XPO1: variants seen among roughly 807,000 people sequenced by gnomAD.
XPO1 encodes exportin-1.
Under a neutral mutation model 133.3 loss-of-function variants are expected in XPO1, and 5 were observed. That is an observed-to-expected ratio of 0.04 (90% CI 0.02 to 0.08). The LOEUF is 0.08. Ranked by LOEUF, XPO1 falls within the 10% of genes least tolerant of loss-of-function variation. The pLI is 1.00. For synonymous variants in XPO1, 419 were observed against 408.2 expected (o/e 1.03, Z -0.32); for missense variants, 506 against 1,267.5 (o/e 0.40, Z 9.12).
chr2:61,514,656 C>T (rs549103348), intron 4 of XPO1, among the ~76,000 whole-genome samples: 4 of 150,144 alleles, frequency 2.7e-5, no homozygotes, highest in Non-Finnish European at 4.4e-5. Context: ...ATATGCACTA[C>T]AATAGCCAAA....
chr2:61,503,677 G>A (rs779148856), intron 4 of XPO1, among the ~76,000 whole-genome samples: 1 of 152,180 alleles, frequency 6.6e-6, no homozygotes, highest in Non-Finnish European at 1.5e-5. Flanking sequence ...GCCTGCCTCG[G>A]CCTCCCAAAG....
intron 7 of XPO1, among the ~76,000 whole-genome samples, chr2:61,499,362 A>T (rs1464048981): frequency 6.6e-6 from 1 of 152,200 alleles, no homozygotes; most frequent in Non-Finnish European, 1.5e-5. Flanking sequence ...GTGGTGAGCC[A>T]AGATTGCGCT....
intron 16 of XPO1, 142 bp from the exon 17 acceptor site, chr2:61,490,918 G>C: frequency 1.0e-6 from 1 of 992,124 alleles, no homozygotes. Flanking sequence ...ACTTTGAGAA[G>C]CCAAGGCAGG....
Position 61,478,031 on chromosome 2 carries a change from A to T in XPO1, c.*789T>A, listed in dbSNP as rs1696144790. ...ATTAGTATAAGTCATCTCAAAAGCC[A>T]GAGTTGTTTTGTTTTTTAATGAGTT... On this transcript the variant is annotated 3_prime_UTR_variant, in exon 25 of 25. Coordinates refer to ENST00000401558, the MANE Select transcript of XPO1 (RefSeq NM_003400.4). 1 of 232,758 alleles carries T rather than the reference A, an allele frequency of 4.3e-6. No individual in the cohort carries two copies. Among genetic ancestry groups the T allele is most frequent in the Non-Finnish European group, 8.5e-6 (1 of 117,502 alleles). 14.4% of individuals were successfully genotyped at this position (232,758 alleles called of 1,614,324 possible).
At chr2:61,515,261 A>T (rs1412560849) in intron 4 of XPO1, among the ~76,000 whole-genome samples, 3 of 152,166 alleles carry the variant, frequency 2.0e-5, no homozygotes, top group African/African-American at 7.2e-5. Flanking sequence ...TAAACCTAAT[A>T]AATAAGGCAA....
At chr2:61,508,478 CAA>C (rs1189382664) in intron 4 of XPO1, among the ~76,000 whole-genome samples, 3 of 152,062 alleles carry the variant, frequency 2.0e-5, no homozygotes, top group African/African-American at 7.2e-5. Context: ...ATCAAATAGT[CAA>C]TATAAACTTG....
rs923702265 is a variant in XPO1 at position 61,478,340 on chromosome 2, G to C, written c.*480C>G. 4.2e-6 allele frequency: 1 copy of C among 237,124 alleles called. No individual in the cohort carries two copies. Among genetic ancestry groups the C allele is most frequent in the African/African-American group, 2.2e-5 (1 of 45,354 alleles). The allele number at this position is 237,124 out of a possible 1,614,324, so 14.7% of individuals were successfully genotyped here. On this transcript the variant is annotated 3_prime_UTR_variant, in exon 25 of 25. Transcript: ENST00000401558. Reference sequence around the variant, plus strand: ...ACATGTAGTCTAGACAAACGATTCAGTCCAAGAGGTGCTAACTTCAGACAA... The same window carrying C: ...ACATGTAGTCTAGACAAACGATTCACTCCAAGAGGTGCTAACTTCAGACAA...
intron 2 of XPO1, among the ~76,000 whole-genome samples, chr2:61,527,637 T>A (rs1394466503): frequency 2.0e-5 from 3 of 152,156 alleles, no homozygotes; most frequent in Admixed American, 6.5e-5. Flanking sequence ...AAACCACAAA[T>A]CCCAAATACT....
At chr2:61,514,536 T>G (rs1464528873) in intron 4 of XPO1, among the ~76,000 whole-genome samples, 1 of 148,478 alleles carries the variant, frequency 6.7e-6, no homozygotes, top group African/African-American at 2.5e-5. Context: ...GAGGTTGCAG[T>G]CAGCCGAGAT....
At chr2:61,505,695 A>C (rs1041025260) in intron 4 of XPO1, among the ~76,000 whole-genome samples, 2 of 152,072 alleles carry the variant, frequency 1.3e-5, no homozygotes, top group African/African-American at 4.8e-5. Flanking sequence ...AAGTGCTGAG[A>C]TTACAGACGT....
In XPO1 at chr2:61,492,019, T is replaced by G; in HGVS notation, c.1887+16A>C. 1 of 1,613,380 alleles carries G rather than the reference T, an allele frequency of 6.2e-7. No homozygotes were observed. On this transcript the variant is annotated intron_variant, in intron 16 of 24. Coordinates refer to ENST00000401558, the MANE Select transcript of XPO1 (RefSeq NM_003400.4). The surrounding 1 kb of genome is among the most constrained non-coding windows in gnomAD (Gnocchi z 5.6). Reference sequence around the variant, plus strand: ...GTTACTTTCTAAAAATAACATATGCTCAGTGCTTAACATACCTGTTGAGGC... The same window carrying G: ...GTTACTTTCTAAAAATAACATATGCGCAGTGCTTAACATACCTGTTGAGGC...
intron 4 of XPO1, among the ~76,000 whole-genome samples, chr2:61,517,765 A>C (rs994911869): frequency 6.6e-6 from 1 of 151,894 alleles, no homozygotes; most frequent in Non-Finnish European, 1.5e-5. Context: ...GTGAGACTCT[A>C]TCTCTAAAAA....
intron 4 of XPO1, among the ~76,000 whole-genome samples, chr2:61,511,976 G>C (rs566910331): frequency 1.3e-5 from 2 of 152,080 alleles, no homozygotes; most frequent in South Asian, 4.2e-4. Flanking sequence ...CACCATGTTG[G>C]CCAGACTGGT....
At chr2:61,524,849 T>A (rs912787790) in intron 3 of XPO1, among the ~76,000 whole-genome samples, 1 of 152,166 alleles carries the variant, frequency 6.6e-6, no homozygotes, top group African/African-American at 2.4e-5. Flanking sequence ...GCCCAGGAGT[T>A]TGAGGTTACA....
At chr2:61,483,139 C>T in intron 21 of XPO1, 48 bp from the exon 22 acceptor site, 1 of 1,575,348 alleles carries the variant, frequency 6.3e-7, no homozygotes, top group Non-Finnish European at 8.6e-7. Flanking sequence ...ACTGACAGCA[C>T]TCATGATAGT....
At chr2:61,502,496 TC>T in intron 4 of XPO1, 186 bp from the exon 5 acceptor site, 1 of 531,098 alleles carries the variant, frequency 1.9e-6, no homozygotes. Context: ...ACGCTTGTAA[TC>T]CCAGCAATTC....
At chr2:61,536,231 T>C (rs978217027) in intron 1 of XPO1, 1 of 152,202 alleles carries the variant, frequency 6.6e-6, no homozygotes, top group African/African-American at 2.4e-5. Context: ...AGTACAGAAA[T>C]GGCGGCTTTG....
intron 6 of XPO1, among the ~76,000 whole-genome samples, chr2:61,500,533 C>T (rs900393500): frequency 1.2e-4 from 16 of 133,236 alleles, no homozygotes; most frequent in Non-Finnish European, 2.2e-4. Context: ...GAGCCGAGAC[C>T]AGGCCACTGC....
At chr2:61,483,863 T>A in intron 21 of XPO1, 74 bp downstream of exon 21, 1 of 1,513,802 alleles carries the variant, frequency 6.6e-7, no homozygotes, top group Non-Finnish European at 9.1e-7. Context: ...AAGTAATACC[T>A]TCCTATGTAC....
Sources: gnomAD v4.1 joint callset for allele counts (sites outside exome capture counted in the v4.1 genomes callset) on GRCh38, gnomAD v4.1.1 for gene constraint, Gnocchi (gnomAD v3.1) non-coding constraint, MANE v1.5 for transcripts, NCBI Gene and HGNC (gene_info 2026-07-23, HGNC 2026-07-21) for gene names.